Variants in CLNK observed in about 807,000 individuals in gnomAD.
The protein encoded by CLNK is cytokine dependent hematopoietic cell linker, also known as cytokine-dependent hematopoietic cell linker.
Under a neutral mutation model 68.6 loss-of-function variants are expected in CLNK, and 74 were observed. The ratio of observed to expected loss-of-function variants is 1.08; its 90% CI spans 0.89 to 1.31. CLNK has a LOEUF of 1.31. Among genes scored for constraint, CLNK ranks in the 50% most tolerant of loss-of-function variants. CLNK has a pLI of 0.00. For missense variants in CLNK, 553 were observed against 515.3 expected (o/e 1.07, Z -0.71); for synonymous variants, 198 against 172.2 (o/e 1.15, Z -1.17).
At chr4:10,593,873 T>C (rs1323161276) in intron 3 of CLNK, among the ~76,000 whole-genome samples, 1 of 152,190 alleles carries the variant, frequency 6.6e-6, no homozygotes, top group Non-Finnish European at 1.5e-5. Flanking sequence ...GTGGTGACAC[T>C]GTTCCTAGCA....
intron 8 of CLNK, among the ~76,000 whole-genome samples, chr4:10,545,585 T>C (rs900232259): frequency 6.6e-6 from 1 of 152,076 alleles, no homozygotes; most frequent in Non-Finnish European, 1.5e-5. Flanking sequence ...CCCATTACCA[T>C]AGTGGGGATT....
intron 5 of CLNK, among the ~76,000 whole-genome samples, chr4:10,567,482 C>A (rs7663019): frequency 4.5e-4 from 69 of 151,888 alleles, no homozygotes; most frequent in Non-Finnish European, 4.0e-4. Flanking sequence ...AACTATAAAA[C>A]CCTTAAAATA....
intron 5 of CLNK, among the ~76,000 whole-genome samples, chr4:10,567,641 G>A (rs1004346035): frequency 1.1e-4 from 17 of 152,154 alleles, no homozygotes; most frequent in Admixed American, 1.0e-3. Context: ...AAAGGCAACT[G>A]TGGAATGAAG....
intron 3 of CLNK, among the ~76,000 whole-genome samples, chr4:10,594,865 C>T (rs543772734): frequency 2.0e-4 from 30 of 152,232 alleles, no homozygotes; most frequent in African/African-American, 6.7e-4. Context: ...GAGGCCAAGG[C>T]GGGCAGATCA....
At chr4:10,719,068 T>C in the CLNK span, among the ~76,000 whole-genome samples, 1 of 151,874 alleles carries the variant, frequency 6.6e-6, no homozygotes, top group African/African-American at 2.4e-5. Flanking sequence ...ACTCCATAGA[T>C]AAATCAAAAT....
chr4:10,722,760 C>T, the CLNK span, among the ~76,000 whole-genome samples: 1 of 152,170 alleles, frequency 6.6e-6, no homozygotes, highest in Non-Finnish European at 1.5e-5. Context: ...TTTCAATACT[C>T]TCTAGACGGC....
At chr4:10,520,660 G>T in intron 15 of CLNK, 131 bp downstream of exon 15, 1 of 626,650 alleles carries the variant, frequency 1.6e-6, no homozygotes, top group Non-Finnish European at 2.9e-6. Context: ...GTAACGCAAT[G>T]GAAATGAGCT....
At chr4:10,702,725 A>G in the CLNK span, among the ~76,000 whole-genome samples, 1 of 152,142 alleles carries the variant, frequency 6.6e-6, no homozygotes, top group Non-Finnish European at 1.5e-5. Context: ...AGTCAGGCTT[A>G]CTCCTAAGTT....
At chr4:10,619,465 GT>G (rs1722345951) in intron 2 of CLNK, among the ~76,000 whole-genome samples, 1 of 152,064 alleles carries the variant, frequency 6.6e-6, no homozygotes, top group Non-Finnish European at 1.5e-5. Context: ...AAAATGAAAT[GT>G]TTTGAGCTAC....
chr4:10,709,811 C>G, the CLNK span, among the ~76,000 whole-genome samples: 1 of 152,132 alleles, frequency 6.6e-6, no homozygotes, highest in African/African-American at 2.4e-5. Flanking sequence ...ATGAGACACA[C>G]AAGGCCCAGT....
At chr4:10,651,723 CAG>C (rs1262172192) in intron 2 of CLNK, among the ~76,000 whole-genome samples, 4 of 151,916 alleles carry the variant, frequency 2.6e-5, no homozygotes, top group African/African-American at 7.2e-5. Flanking sequence ...TAATTAATAA[CAG>C]AATTAAAATT....
chr4:10,516,314 C>T (rs1717834227), intron 15 of CLNK, among the ~76,000 whole-genome samples: 1 of 151,908 alleles, frequency 6.6e-6, no homozygotes, highest in Non-Finnish European at 1.5e-5. Context: ...AAAACATAAC[C>T]AAAGTTACAG....
intron 2 of CLNK, among the ~76,000 whole-genome samples, chr4:10,615,155 C>T (rs1363092331): frequency 6.6e-6 from 1 of 151,840 alleles, no homozygotes; most frequent in Non-Finnish European, 1.5e-5. Flanking sequence ...TCACTTCACT[C>T]CAGCCTGAGC....
chr4:10,635,335 G>T (rs527903971), intron 2 of CLNK, among the ~76,000 whole-genome samples: 20 of 152,228 alleles, frequency 1.3e-4, no homozygotes, highest in Middle Eastern at 3.4e-3. Flanking sequence ...AGGAGATCCT[G>T]CCTGGGTAAT....
intron 2 of CLNK, among the ~76,000 whole-genome samples, chr4:10,645,575 T>G (rs1395714043): frequency 6.6e-6 from 1 of 152,114 alleles, no homozygotes; most frequent in Non-Finnish European, 1.5e-5. Context: ...TATTTAATCT[T>G]ATTCAATATT....
intron 2 of CLNK, among the ~76,000 whole-genome samples, chr4:10,624,404 T>C (rs1471472316): frequency 1.3e-5 from 2 of 152,118 alleles, no homozygotes; most frequent in Non-Finnish European, 2.9e-5. Context: ...GCCATTCTCC[T>C]GCCTCAGCCT....
upstream of CLNK, among the ~76,000 whole-genome samples, chr4:10,687,744 A>G (rs1725318952): frequency 3.3e-5 from 5 of 152,090 alleles, no homozygotes. Flanking sequence ...GCAAATTCCA[A>G]CCTGCATGTT....
intron 4 of CLNK, among the ~76,000 whole-genome samples, chr4:10,584,043 T>C (rs1226268606): frequency 6.6e-6 from 1 of 152,206 alleles, no homozygotes; most frequent in Non-Finnish European, 1.5e-5. Context: ...CAATTTGGTA[T>C]CATCTACCTT....
chr4:10,630,843 T>C (rs1026197070), intron 2 of CLNK, among the ~76,000 whole-genome samples: 2 of 152,238 alleles, frequency 1.3e-5, no homozygotes, highest in Non-Finnish European at 2.9e-5. Context: ...GATGTCCATC[T>C]GCTTGTAGCA....
Sources: allele counts gnomAD v4.1 joint callset (sites outside exome capture counted in the v4.1 genomes callset), GRCh38; gene constraint gnomAD v4.1.1; transcripts MANE v1.5; gene names NCBI Gene and HGNC (gene_info 2026-07-23, HGNC 2026-07-21).